Variants in STAT5B observed in about 807,000 individuals in gnomAD.
STAT5B encodes the protein signal transducer and activator of transcription 5B.
In STAT5B, 21 loss-of-function variants were observed where a neutral mutation model predicts 107.8. The observed-to-expected ratio is 0.19, with a 90% confidence interval of 0.14 to 0.28. STAT5B has a LOEUF of 0.28. Among genes scored for constraint, STAT5B ranks in the 10% least tolerant of loss-of-function variants. The pLI is 1.00. For synonymous variants in STAT5B, 325 were observed against 401.7 expected (o/e 0.81, Z 2.28); for missense variants, 565 against 1,008.2 (o/e 0.56, Z 5.95).
At chr17:42,217,568 A>C in intron 9 of STAT5B, 104 bp from the exon 10 acceptor site, 1 of 1,232,150 alleles carries the variant, frequency 8.1e-7, no homozygotes, top group Non-Finnish European at 1.2e-6. Context: ...AGTTTGCTAA[A>C]AATGTACGTC....
intron 2 of STAT5B, among the ~76,000 whole-genome samples, chr17:42,231,777 C>A (rs1296747848): frequency 1.3e-5 from 2 of 152,132 alleles, no homozygotes; most frequent in Non-Finnish European, 2.9e-5. Flanking sequence ...GGAACAAATC[C>A]TGTTTTAAAA....
rs59138731 is a variant in STAT5B at position 42,199,420 on chromosome 17, G to A, written c.*2318C>T. Reference sequence around the variant, plus strand: ...TATACTTTCATTTTAAGTTATATTCGATTTTAGTCTCCCCCTACCCCCTAG... The same window carrying A: ...TATACTTTCATTTTAAGTTATATTCAATTTTAGTCTCCCCCTACCCCCTAG... On this transcript the variant is annotated 3_prime_UTR_variant, in exon 19 of 19. Transcript: ENST00000293328. The A allele has an allele frequency of 3.3e-5, 5 of 152,136 alleles. No individual in the cohort carries two copies. Among genetic ancestry groups the A allele is most frequent in the Admixed American group, 6.6e-5 (1 of 15,248 alleles). 9.4% of individuals were successfully genotyped at this position (152,136 alleles called of 1,614,324 possible). A position where few individuals can be genotyped will look rare whatever the true frequency, so the allele number is the denominator to read the frequency against.
intron 15 of STAT5B, among the ~76,000 whole-genome samples, chr17:42,208,009 C>T (rs993251900): frequency 6.6e-6 from 1 of 152,194 alleles, no homozygotes; most frequent in African/African-American, 2.4e-5. Context: ...ATTCTCCTGC[C>T]TCAGCCTCCC....
chr17:42,262,783 T>C (rs1567676888), intron 1 of STAT5B, among the ~76,000 whole-genome samples: 2 of 128,830 alleles, frequency 1.6e-5, no homozygotes, highest in African/African-American at 3.1e-5. Context: ...TATGTATATA[T>C]ATACACATAT....
intron 1 of STAT5B, among the ~76,000 whole-genome samples, chr17:42,251,921 C>T (rs535749158): frequency 6.6e-6 from 1 of 151,402 alleles, no homozygotes; most frequent in Non-Finnish European, 1.5e-5. Flanking sequence ...ATGGCTCGAA[C>T]CCAGGAGGTG....
chr17:42,230,907 C>T lies in STAT5B; in HGVS notation c.128+1093G>A, dbSNP rs572057405. Among the ~76,000 whole-genome samples, 6 of 152,232 alleles carry T rather than the reference C, an allele frequency of 3.9e-5. No homozygotes were observed. In the East Asian group the frequency reaches 1.2e-3, roughly 29 times the overall value. ...AGAACTCCTGGCCTCCAGTGATCTG[C>T]CTGCCTTGGCCTCCCAAAGTGCTGG... On this transcript the variant is annotated intron_variant, in intron 2 of 18. Transcript: ENST00000293328.
intron 12 of STAT5B, 39 bp from the exon 13 acceptor site, chr17:42,212,229 T>G (rs765654328): frequency 1.9e-6 from 3 of 1,614,122 alleles, no homozygotes; most frequent in South Asian, 2.2e-5. Context: ...GAGAAAACAG[T>G]TGCATGATTT....
the STAT5B span, among the ~76,000 whole-genome samples, chr17:42,284,663 T>C: frequency 1.1e-4 from 17 of 152,326 alleles, 1 homozygote; most frequent in Middle Eastern, 6.8e-3. Flanking sequence ...GGGTGTAGGC[T>C]GGGCGAGAAT....
At chr17:42,216,577 A>T (rs1367085741) in intron 11 of STAT5B, among the ~76,000 whole-genome samples, 1 of 152,092 alleles carries the variant, frequency 6.6e-6, no homozygotes, top group Non-Finnish European at 1.5e-5. Context: ...GGGGTCTCAC[A>T]ACCAGCTCCA....
At chr17:42,273,784 G>C (rs1463992025) in intron 1 of STAT5B, among the ~76,000 whole-genome samples, 1 of 152,018 alleles carries the variant, frequency 6.6e-6, no homozygotes, top group Non-Finnish European at 1.5e-5. Context: ...ACAACAAATG[G>C]ATTCATAATA....
intron 1 of STAT5B, among the ~76,000 whole-genome samples, chr17:42,239,089 A>C (rs1330858805): frequency 1.3e-5 from 2 of 151,774 alleles, no homozygotes; most frequent in Admixed American, 1.3e-4. Flanking sequence ...CTCTACTAAA[A>C]ATACAAAAAT....
At chr17:42,212,573 A>ATGTGTGCACACGTGTCGGCATG (rs1410633246) in intron 12 of STAT5B, among the ~76,000 whole-genome samples, 1 of 152,238 alleles carries the variant, frequency 6.6e-6, no homozygotes. Context: ...GAGTGTGCGT[A>ATGTGTGCACACGTGTCGGCATG]TGTGTGCACA....
chr17:42,237,960 T>C (rs2144315377), intron 1 of STAT5B, among the ~76,000 whole-genome samples: 1 of 152,326 alleles, frequency 6.6e-6, no homozygotes, highest in South Asian at 2.1e-4. Context: ...TACTGTTACC[T>C]TAAACTTACA....
At chr17:42,247,055 T>G (rs141729228) in intron 1 of STAT5B, among the ~76,000 whole-genome samples, 74 of 152,286 alleles carry the variant, frequency 4.9e-4, no homozygotes, top group African/African-American at 1.8e-3. Context: ...GGGTTTGTAT[T>G]CCCCCTGGAT....
At chr17:42,210,036 G>C in intron 15 of STAT5B, 135 bp downstream of exon 15, 1 of 1,352,352 alleles carries the variant, frequency 7.4e-7, no homozygotes, top group African/African-American at 1.4e-5. Flanking sequence ...TTATGAGTAT[G>C]TCATGGCTAT....
At chr17:42,210,028 A>G (rs1222017866) in intron 15 of STAT5B, 143 bp downstream of exon 15, 4 of 1,285,794 alleles carry the variant, frequency 3.1e-6, no homozygotes, top group Non-Finnish European at 4.3e-6. Flanking sequence ...CTGCCTTATT[A>G]TGAGTATGTC....
At chr17:42,214,269 G>T in intron 12 of STAT5B, 2 of 985,242 alleles carry the variant, frequency 2.0e-6, no homozygotes, top group Non-Finnish European at 2.4e-6. Flanking sequence ...GATGCCAAAG[G>T]TACACAGAGA....
intron 1 of STAT5B, among the ~76,000 whole-genome samples, chr17:42,267,179 T>G (rs1423059354): frequency 6.6e-6 from 1 of 152,208 alleles, no homozygotes; most frequent in African/African-American, 2.4e-5. Context: ...GTCTAGCACA[T>G]ACAATTGCGT....
chr17:42,202,880 ATCT>A lies in STAT5B; in HGVS notation c.2078-75_2078-73del. ...AAATGTGATCTTCCTTATGAATCACATCTTTTCTTAGGACAGAACACAACCACC... is the reference window on the plus strand; with the variant it reads ...AAATGTGATCTTCCTTATGAATCACATTTCTTAGGACAGAACACAACCACC... On this transcript the variant is annotated intron_variant, in intron 16 of 18. Transcript: ENST00000293328. The A allele has an allele frequency of 1.9e-6, 3 of 1,581,042 alleles. No homozygotes were observed. In the South Asian group the frequency reaches 3.3e-5, roughly 17 times the overall value.
Sources: allele counts gnomAD v4.1 joint callset (sites outside exome capture counted in the v4.1 genomes callset), GRCh38; gene constraint gnomAD v4.1.1; transcripts MANE v1.5; gene names NCBI Gene and HGNC (gene_info 2026-07-23, HGNC 2026-07-21).